The following CEP63 variants were observed in gnomAD, a reference collection of about 807,000 sequenced individuals.
CEP63 encodes centrosomal protein 63.
Under a neutral mutation model 89.1 loss-of-function variants are expected in CEP63, and 84 were observed. That is an observed-to-expected ratio of 0.94 (90% confidence interval 0.79 to 1.13). The LOEUF (loss-of-function observed/expected upper bound fraction) is 1.13. Among genes scored for constraint, CEP63 ranks in the 50% most tolerant of loss-of-function variants. The pLI, the probability that CEP63 is intolerant of heterozygous loss-of-function variation, is 0.00. For synonymous variants in CEP63, 267 were observed against 272.5 expected, an observed-to-expected ratio of 0.98 and a Z score of 0.20; for missense variants, 838 against 813.3, an observed-to-expected ratio of 1.03 and a Z score of -0.37.
Position 134,521,928 on chromosome 3 carries a change from G to C in CEP63, c.223-9917G>C, listed in dbSNP as rs536203874. Among the ~76,000 whole-genome samples the C allele has an allele frequency of 7.4e-4, 113 of 152,242 alleles. 1 individual carries two copies. The South Asian group carries it at 0.022, about 30-fold the overall frequency. ...CCTTTTTGAGGATGGACTTTTTGCA[G>C]TGCACTTTAACTGTATAGAGTGTGC... On this transcript the variant is annotated intron_variant, in intron 3 of 14. Transcript: ENST00000675561.
the CEP63 span, among the ~76,000 whole-genome samples, chr3:134,684,987 A>G: frequency 2.0e-5 from 3 of 152,116 alleles, no homozygotes; most frequent in African/African-American, 7.2e-5. Context: ...GCCTGATTGG[A>G]GGAAGGAAGA....
the CEP63 span, among the ~76,000 whole-genome samples, chr3:134,705,468 C>T: frequency 2.0e-5 from 3 of 152,238 alleles, no homozygotes; most frequent in East Asian, 1.9e-4. Flanking sequence ...ATGACCCAAA[C>T]ATCTCCCATC....
intron 2 of CEP63, 47 bp from the exon 3 acceptor site, chr3:134,507,062 A>T (rs920083851): frequency 6.7e-7 from 1 of 1,484,384 alleles, no homozygotes; most frequent in Admixed American, 1.7e-5. Context: ...ATGAAAAGCC[A>T]CTTGAACATA....
chr3:134,712,453 A>T, the CEP63 span, among the ~76,000 whole-genome samples: 1 of 152,098 alleles, frequency 6.6e-6, no homozygotes, highest in Non-Finnish European at 1.5e-5. Flanking sequence ...TCTTTTTATT[A>T]CATTTTAAAA....
rs375856540 is a variant in CEP63 at position 134,497,739 on chromosome 3, A to ATT, written c.44+2384_44+2385dup. ...TAAGTCTTTAGTCCATTTTGAGTTG[A>ATT]TTTTTTTTTTAATATGGTGAGAGAT... is the stretch of plus-strand genomic sequence containing the variant. On this transcript the variant is annotated intron_variant, in intron 2 of 14. Coordinates refer to ENST00000675561, the MANE Select transcript of CEP63 (RefSeq NM_001353108.3). 6.0e-3 allele frequency among the ~76,000 whole-genome samples: 900 copies of ATT among 149,304 alleles called. 22 individuals carry two copies. In the South Asian group the frequency reaches 0.075, roughly 12 times the overall value.
At chr3:134,779,384 T>G in the CEP63 span, among the ~76,000 whole-genome samples, 130,967 of 152,138 alleles carry the variant, frequency 0.86, 56,458 homozygotes, top group East Asian at 0.93. Context: ...GGGCATTTGG[T>G]TTATTTCCTG....
At chr3:134,722,119 A>C in the CEP63 span, among the ~76,000 whole-genome samples, 1 of 151,912 alleles carries the variant, frequency 6.6e-6, no homozygotes, top group African/African-American at 2.4e-5. Context: ...TCTTTTTGGG[A>C]AGTGTTAATA....
At chr3:134,735,282 C>CT in the CEP63 span, among the ~76,000 whole-genome samples, 5 of 151,872 alleles carry the variant, frequency 3.3e-5, no homozygotes, top group Non-Finnish European at 7.4e-5. Context: ...TTTGTTCTCC[C>CT]TTTTTTTTGG....
chr3:134,556,235 C>T (rs927205061), intron 12 of CEP63, among the ~76,000 whole-genome samples: 1 of 150,868 alleles, frequency 6.6e-6, no homozygotes, highest in East Asian at 1.9e-4. Context: ...ATGTCTAAAA[C>T]ACCAAAAGCA....
chr3:134,648,967 A>T, the CEP63 span, among the ~76,000 whole-genome samples: 1 of 152,164 alleles, frequency 6.6e-6, no homozygotes, highest in African/African-American at 2.4e-5. Context: ...AGGCTTTGGA[A>T]CAAGCTGGTC....
the CEP63 span, chr3:134,641,123 C>G: frequency 6.6e-6 from 1 of 152,516 alleles, no homozygotes; most frequent in African/African-American, 2.4e-5. Context: ...GCTGGAAGCT[C>G]TTCCCCAGAT....
At chr3:134,658,619 G>T in the CEP63 span, among the ~76,000 whole-genome samples, 1 of 152,200 alleles carries the variant, frequency 6.6e-6, no homozygotes, top group African/African-American at 2.4e-5. Context: ...TCTTCCTTTA[G>T]CCTGGAGGTA....
intron 10 of CEP63, among the ~76,000 whole-genome samples, chr3:134,587,325 G>A (rs571592498): frequency 9.8e-5 from 15 of 152,286 alleles, no homozygotes; most frequent in African/African-American, 3.6e-4. Context: ...CCCCATCTTT[G>A]TGGTTTTATC....
At chr3:134,603,445 G>T in the CEP63 span, 1 of 755,722 alleles carries the variant, frequency 1.3e-6, no homozygotes, top group Non-Finnish European at 2.1e-6. Context: ...GGCAGAGGTG[G>T]GACACTGAGG....
At chr3:134,689,135 TTCTCTCTCTCTCCC>T in the CEP63 span, among the ~76,000 whole-genome samples, 1 of 151,856 alleles carries the variant, frequency 6.6e-6, no homozygotes, top group Admixed American at 6.6e-5. Context: ...TGGCCTCATT[TTCTCTCTCTCTCCC>T]TCTCTCTCTC....
At chr3:134,486,310 C>T (rs1412380059) in intron 1 of CEP63, 108 bp downstream of exon 1, 16 of 985,450 alleles carry the variant, frequency 1.6e-5, no homozygotes, top group Non-Finnish European at 1.8e-5. Flanking sequence ...GCGGCCCAGG[C>T]TGCCTTGGTG....
the CEP63 span, among the ~76,000 whole-genome samples, chr3:134,620,264 G>A: frequency 6.6e-6 from 1 of 152,182 alleles, no homozygotes; most frequent in East Asian, 1.9e-4. Context: ...AGACTGCGCT[G>A]GGACCAGTGG....
the CEP63 span, among the ~76,000 whole-genome samples, chr3:134,721,135 T>G: frequency 3.5e-3 from 527 of 152,248 alleles, 5 homozygotes; most frequent in African/African-American, 0.012. Context: ...AGCTCTTCCT[T>G]AATTTTTTCA....
At chr3:134,663,814 C>T in the CEP63 span, among the ~76,000 whole-genome samples, 3 of 152,200 alleles carry the variant, frequency 2.0e-5, no homozygotes, top group African/African-American at 7.2e-5. Context: ...GGCGGGGCTG[C>T]CCACTGGCCA....
Sources: gnomAD v4.1 joint callset for allele counts (sites outside exome capture counted in the v4.1 genomes callset) on GRCh38, gnomAD v4.1.1 for gene constraint, MANE v1.5 for transcripts, NCBI Gene and HGNC (gene_info 2026-07-23, HGNC 2026-07-21) for gene names.